The following HSD17B11 variants were observed in gnomAD, a reference collection of about 807,000 sequenced individuals.
HSD17B11 encodes the protein hydroxysteroid 17-beta dehydrogenase 11.
A neutral mutation model predicts 27.8 loss-of-function variants in HSD17B11; 22 were observed. The observed-to-expected ratio is 0.79, with a 90% CI of 0.56 to 1.13. HSD17B11 has a LOEUF of 1.13. Among genes scored for constraint, HSD17B11 ranks in the 50% most tolerant of loss-of-function variants. The pLI is 0.00. For synonymous variants in HSD17B11, 117 were observed against 132.8 expected, an observed-to-expected ratio of 0.88 and a Z score of 0.82; for missense variants, 314 against 351.1, an observed-to-expected ratio of 0.89 and a Z score of 0.84.
chr4:87,368,606 A>T (rs7665549), intron 4 of HSD17B11, among the ~76,000 whole-genome samples: 24,080 of 152,160 alleles, frequency 0.16, 2,058 homozygotes, highest in Admixed American at 0.19. Flanking sequence ...TGAGGCTGAA[A>T]CCTACCGGAC....
Position 87,337,218 on chromosome 4 carries a change from G to T in HSD17B11, c.*58C>A. On this transcript the variant is annotated 3_prime_UTR_variant, in exon 7 of 7. Transcript: ENST00000358290. ...CAGAAGTTCAAACATTAAAATTCTG[G>T]CACTATTAGATGACATCAACCTAAA... 2 of 972,456 alleles carry T rather than the reference G, an allele frequency of 2.1e-6. No individual in the cohort carries two copies. Among genetic ancestry groups the T allele is most frequent in the Non-Finnish European group, 3.3e-6 (2 of 607,456 alleles). The allele number at this position is 972,456 out of a possible 1,614,324, so 60.2% of individuals were successfully genotyped here.
intron 5 of HSD17B11, among the ~76,000 whole-genome samples, chr4:87,354,967 A>AAT (rs1735354912): frequency 6.6e-6 from 1 of 151,302 alleles, no homozygotes; most frequent in African/African-American, 2.4e-5. Flanking sequence ...AAAAAAAAAA[A>AAT]AAAAATTAGC....
intron 5 of HSD17B11, among the ~76,000 whole-genome samples, chr4:87,353,967 A>C (rs574529947): frequency 3.3e-5 from 5 of 152,186 alleles, no homozygotes; most frequent in Non-Finnish European, 7.3e-5. Context: ...CCTGAAAAAC[A>C]TATCTGTCCC....
intron 5 of HSD17B11, among the ~76,000 whole-genome samples, chr4:87,354,467 C>A (rs1377122959): frequency 2.0e-5 from 3 of 151,368 alleles, no homozygotes; most frequent in African/African-American, 2.4e-5. Context: ...CATAGGGAGA[C>A]CCTGTCTCTA....
At position 87,376,839 on chromosome 4, in the gene HSD17B11, C is replaced by T. The variant is rs1389243662; in HGVS notation, c.319-2009G>A. 1.4e-4 allele frequency among the ~76,000 whole-genome samples: 21 copies of T among 152,132 alleles called. 1 individual carries two copies. Among genetic ancestry groups the T allele is most frequent in the Non-Finnish European group, 4.4e-5 (3 of 68,020 alleles). ...GAAGGCATCCACTGGACTGTAAAGACTATTTGTAGGCTGGGCACGGTGGCT... is the reference window on the plus strand; with the variant it reads ...GAAGGCATCCACTGGACTGTAAAGATTATTTGTAGGCTGGGCACGGTGGCT... On this transcript the variant is annotated intron_variant, in intron 2 of 6. Coordinates refer to ENST00000358290, the MANE Select transcript of HSD17B11 (RefSeq NM_016245.5).
At chr4:87,356,407 A>G (rs1735388719) in intron 5 of HSD17B11, among the ~76,000 whole-genome samples, 2 of 152,226 alleles carry the variant, frequency 1.3e-5, no homozygotes, top group South Asian at 4.1e-4. Flanking sequence ...CCAATAATCA[A>G]TACAATTTAT....
At chr4:87,358,831 G>A (rs1735448862) in intron 4 of HSD17B11, among the ~76,000 whole-genome samples, 1 of 152,010 alleles carries the variant, frequency 6.6e-6, no homozygotes, top group African/African-American at 2.4e-5. Flanking sequence ...AAAAGTTTAG[G>A]CACTTATTGA....
chr4:87,364,190 C>T (rs899447089), intron 4 of HSD17B11, among the ~76,000 whole-genome samples: 3 of 146,514 alleles, frequency 2.0e-5, no homozygotes, highest in Non-Finnish European at 4.5e-5. Flanking sequence ...TTAATGCTCA[C>T]ATGAAAGGCC....
intron 4 of HSD17B11, among the ~76,000 whole-genome samples, chr4:87,362,011 C>T (rs1012992562): frequency 3.3e-5 from 5 of 152,042 alleles, no homozygotes; most frequent in African/African-American, 1.2e-4. Context: ...GACCCCTGAC[C>T]CAAAGGAAAA....
At chr4:87,374,630 T>C (rs1735783497) in intron 3 of HSD17B11, 69 bp downstream of exon 3, 1 of 1,441,022 alleles carries the variant, frequency 6.9e-7, no homozygotes, top group Non-Finnish European at 9.5e-7. Flanking sequence ...TCCTTATGTC[T>C]GCTAAAAGCC....
At chr4:87,355,374 AT>A (rs1266626905) in intron 5 of HSD17B11, among the ~76,000 whole-genome samples, 1 of 152,158 alleles carries the variant, frequency 6.6e-6, no homozygotes, top group Non-Finnish European at 1.5e-5. Context: ...GCTAGAAAAA[AT>A]ATGGGTAAAT....
chr4:87,377,614 G>A (rs1219574025), intron 2 of HSD17B11, among the ~76,000 whole-genome samples: 3 of 152,052 alleles, frequency 2.0e-5, no homozygotes, highest in African/African-American at 7.2e-5. Context: ...TATAAGATTG[G>A]AGTACCATAA....
intron 5 of HSD17B11, among the ~76,000 whole-genome samples, chr4:87,355,185 C>T (rs2110116349): frequency 6.6e-6 from 1 of 152,080 alleles, no homozygotes; most frequent in South Asian, 2.1e-4. Flanking sequence ...TCCAAGTAAG[C>T]ATGTGAACTT....
At chr4:87,370,746 ATT>A (rs1735696002) in intron 4 of HSD17B11, among the ~76,000 whole-genome samples, 1 of 5,370 alleles carries the variant, frequency 1.9e-4, no homozygotes, top group East Asian at 6.3e-3. Context: ...TATTATTATT[ATT>A]ATTATTATTT....
chr4:87,374,929 T>A, intron 2 of HSD17B11, 99 bp from the exon 3 acceptor site: 1 of 890,196 alleles, frequency 1.1e-6, no homozygotes. Flanking sequence ...ATTCTTGCTC[T>A]GTTGCCCAGG....
chr4:87,374,281 C>T lies in HSD17B11; in HGVS notation c.450+418G>A, dbSNP rs375176791. The stretch of plus-strand genomic sequence containing the variant: ...GGGCTGCAGTGAGATGAGATTGCAT[C>T]ACTGCACTCCAGCCTTGGCAACAGA... On this transcript the variant is annotated intron_variant, in intron 3 of 6. Transcript: ENST00000358290. The T allele has an allele frequency of 2.6e-4, 41 of 158,456 alleles. No homozygotes were observed. In the South Asian group the frequency reaches 6.4e-3, roughly 25 times the overall value. The allele number at this position is 158,456 out of a possible 1,614,324, so 9.8% of individuals were successfully genotyped here.
intron 4 of HSD17B11, among the ~76,000 whole-genome samples, chr4:87,361,850 G>T (rs1735522820): frequency 6.6e-6 from 1 of 152,172 alleles, no homozygotes; most frequent in Admixed American, 6.5e-5. Context: ...CCCTCTCTTG[G>T]GGTCTGGATC....
At position 87,391,014 on chromosome 4, in the gene HSD17B11, T is replaced by C. The variant is rs756844360; in HGVS notation, c.57A>G (p.Leu19=). ...GAATAAAAAGCTTCACGAAGGACTC[T>C]AGGGAGCAGACGATCAGTAACGGGA... The part of the protein sequence containing the change: ...LLLPLLIVCS[L]ESFVKLFIPK... Residue 19 remains leucine (L), a synonymous_variant, in exon 1 of 7, where the codon CTA becomes CTG. Transcript: ENST00000358290. 3.1e-6 allele frequency: 5 copies of C among 1,613,952 alleles called. No homozygotes were observed. The highest frequency in any genetic ancestry group is 3.4e-6 in the Non-Finnish European group (4 of 1,179,994).
chr4:87,358,308 C>T (rs921277425), intron 4 of HSD17B11, among the ~76,000 whole-genome samples: 1 of 152,142 alleles, frequency 6.6e-6, no homozygotes, highest in African/African-American at 2.4e-5. Context: ...TTCCTATAAG[C>T]TCCATGACTG....
Sources: gnomAD v4.1 joint callset for allele counts (sites outside exome capture counted in the v4.1 genomes callset) on GRCh38, gnomAD v4.1.1 for gene constraint, MANE v1.5 for transcripts, NCBI Gene and HGNC (gene_info 2026-07-23, HGNC 2026-07-21) for gene names.